Variants in WDR27 observed in about 807,000 individuals in gnomAD.
WDR27 encodes the protein WD repeat-containing protein 27.
In WDR27, 100 loss-of-function variants were observed where a neutral mutation model predicts 114.4. That is an observed-to-expected ratio of 0.87 (90% confidence interval 0.74 to 1.03). The LOEUF is 1.03. Ranked by LOEUF, WDR27 falls within the 50% of genes least tolerant of loss-of-function variation. The pLI is 0.00. For missense variants in WDR27, 1,129 were observed against 1,092.9 expected (o/e 1.03, Z -0.47); for synonymous variants, 449 against 423.1 (o/e 1.06, Z -0.75).
At chr6:169,666,593 C>T in intron 6 of WDR27, 1 of 985,548 alleles carries the variant, frequency 1.0e-6, no homozygotes, top group Non-Finnish European at 1.2e-6. Flanking sequence ...TTATGCCGTG[C>T]TCCGCGGACG....
At chr6:169,495,830 T>C (rs1790330581) in intron 25 of WDR27, among the ~76,000 whole-genome samples, 1 of 152,040 alleles carries the variant, frequency 6.6e-6, no homozygotes, top group Non-Finnish European at 1.5e-5. Flanking sequence ...ATTGGTGAGT[T>C]CTGCCAAAAA....
chr6:169,639,438 AT>A (rs1451910033), intron 17 of WDR27, among the ~76,000 whole-genome samples: 1 of 152,078 alleles, frequency 6.6e-6, no homozygotes, highest in African/African-American at 2.4e-5. Flanking sequence ...ATGTATCAGT[AT>A]TTTAAAGAAC....
chr6:169,679,682 G>A (rs1780999599), intron 2 of WDR27, among the ~76,000 whole-genome samples: 1 of 152,150 alleles, frequency 6.6e-6, no homozygotes. Context: ...ATGACTGTAA[G>A]GTTCCTGCAG....
At chr6:169,671,010 C>G (rs567983060) in intron 3 of WDR27, 64 of 243,758 alleles carry the variant, frequency 2.6e-4, no homozygotes, top group African/African-American at 1.3e-3. Context: ...GCTTCTCACC[C>G]ACATCCAACC....
the WDR27 span, among the ~76,000 whole-genome samples, chr6:169,448,552 G>A: frequency 2.0e-5 from 3 of 152,272 alleles, no homozygotes; most frequent in East Asian, 1.9e-4. Context: ...AATAGCTGTC[G>A]GAAGCCGGTG....
Position 169,682,665 on chromosome 6 carries a change from G to A in WDR27, c.189+6152C>T, listed in dbSNP as rs536158192. Among the ~76,000 whole-genome samples, 23 of 152,254 alleles carry A rather than the reference G, an allele frequency of 1.5e-4. No homozygotes were observed. The South Asian group carries it at 1.7e-3, about 11-fold the overall frequency. On this transcript the variant is annotated intron_variant, in intron 2 of 25. Transcript: ENST00000448612. ...ATACCTAATCCCTCAGTGCACAGAC[G>A]TAACCACATGTCCACAAGCATCAGC...
intron 23 of WDR27, among the ~76,000 whole-genome samples, chr6:169,589,878 G>A (rs114467615): frequency 4.0e-3 from 599 of 151,260 alleles, no homozygotes; most frequent in African/African-American, 0.014. Flanking sequence ...ACAGAGAAAC[G>A]AGCTGTGGCT....
chr6:169,577,880 T>C (rs1472732069), intron 24 of WDR27, among the ~76,000 whole-genome samples: 1 of 152,174 alleles, frequency 6.6e-6, no homozygotes, highest in African/African-American at 2.4e-5. Flanking sequence ...TTCTCAGGCC[T>C]TTGGACTCAG....
chr6:169,632,873 A>G, intron 21 of WDR27, 74 bp downstream of exon 21: 1 of 1,361,358 alleles, frequency 7.3e-7, no homozygotes, highest in Non-Finnish European at 9.8e-7. Context: ...AAATGGCATC[A>G]TACATTTGTA....
At chr6:169,511,090 C>T (rs1792784031) in intron 25 of WDR27, among the ~76,000 whole-genome samples, 1 of 152,176 alleles carries the variant, frequency 6.6e-6, no homozygotes, top group African/African-American at 2.4e-5. Context: ...ATTTCTCAAT[C>T]TCAAGCCACA....
intron 24 of WDR27, among the ~76,000 whole-genome samples, chr6:169,574,737 G>A (rs1212210666): frequency 6.6e-6 from 1 of 152,208 alleles, no homozygotes; most frequent in East Asian, 1.9e-4. Flanking sequence ...ACAGCCCAGT[G>A]CTCTCACCCT....
the WDR27 span, among the ~76,000 whole-genome samples, chr6:169,429,162 GGC>G: frequency 6.6e-6 from 1 of 152,116 alleles, no homozygotes; most frequent in South Asian, 2.1e-4. Context: ...TGTTCTCTGT[GGC>G]CGCATCACAC....
In WDR27 at chr6:169,582,623, A is replaced by T. The variant is rs140678918; in HGVS notation, c.2523+213T>A. 4.3e-3 allele frequency among the ~76,000 whole-genome samples: 656 copies of T among 152,184 alleles called. 3 individuals are homozygous for T. The highest frequency in any genetic ancestry group is 0.015 in the African/African-American group (633 of 41,526). On this transcript the variant is annotated intron_variant, in intron 24 of 25. Coordinates refer to ENST00000448612, the MANE Select transcript of WDR27 (RefSeq NM_182552.5). ...GGCAAACACCTTCATTATAAAAGAA[A>T]CTTTTCCAGATTCATTTCTCCACAA...
intron 23 of WDR27, among the ~76,000 whole-genome samples, chr6:169,583,500 TATATGTATATATACACAC>T (rs1206994832): frequency 2.6e-4 from 8 of 30,818 alleles, no homozygotes; most frequent in African/African-American, 4.9e-4. Context: ...TATATATATA[TATATGTATATATACACAC>T]ACACACACAC....
At chr6:169,428,056 C>G in the WDR27 span, among the ~76,000 whole-genome samples, 1 of 152,196 alleles carries the variant, frequency 6.6e-6, no homozygotes, top group Non-Finnish European at 1.5e-5. Flanking sequence ...TCTCCACTTT[C>G]AATCTCCGCA....
chr6:169,655,386 C>G (rs1210456703), intron 13 of WDR27, among the ~76,000 whole-genome samples: 1 of 152,358 alleles, frequency 6.6e-6, no homozygotes, highest in East Asian at 1.9e-4. Context: ...CAGCAGGGTG[C>G]TGCAAAGACT....
chr6:169,495,506 T>C (rs1375991242), intron 25 of WDR27, among the ~76,000 whole-genome samples: 1 of 104,390 alleles, frequency 9.6e-6, no homozygotes, highest in Non-Finnish European at 2.0e-5. Flanking sequence ...AAACAAAAAG[T>C]TGATTCTTTG....
At position 169,674,900 on chromosome 6, in the gene WDR27, T is replaced by C. The variant is rs568219461; in HGVS notation, c.190-2504A>G. Among the ~76,000 whole-genome samples the C allele has an allele frequency of 3.3e-5, 5 of 152,126 alleles. No individual in the cohort carries two copies. In the East Asian group the frequency reaches 7.7e-4, roughly 24 times the overall value. ...GGGTAGGTAAAGGAAAAAGGGGAGT[T>C]GTTCTCTGGCGGGCAGGAGTAGGGG... On this transcript the variant is annotated intron_variant, in intron 2 of 25. Transcript: ENST00000448612.
At chr6:169,603,536 T>C (rs556111605) in intron 22 of WDR27, among the ~76,000 whole-genome samples, 2 of 152,332 alleles carry the variant, frequency 1.3e-5, no homozygotes, top group Admixed American at 1.3e-4. Context: ...AAGGTCTTTG[T>C]TTTCCTTTAA....
Sources: allele counts gnomAD v4.1 joint callset (sites outside exome capture counted in the v4.1 genomes callset), GRCh38; gene constraint gnomAD v4.1.1; transcripts MANE v1.5; gene names NCBI Gene and HGNC (gene_info 2026-07-23, HGNC 2026-07-21).